Variants in PPM1H observed in about 807,000 individuals in gnomAD.
PPM1H encodes the protein protein phosphatase, Mg2+/Mn2+ dependent 1H.
A neutral mutation model predicts 54.9 loss-of-function variants in PPM1H; 27 were observed. The ratio of observed to expected loss-of-function variants is 0.49; its 90% confidence interval spans 0.36 to 0.68. The LOEUF (loss-of-function observed/expected upper bound fraction) is 0.68. Ranked by LOEUF, PPM1H falls within the 30% of genes least tolerant of loss-of-function variation. PPM1H has a pLI of 0.00. For missense variants in PPM1H, 596 were observed against 667.8 expected, an observed-to-expected ratio of 0.89 and a Z score of 1.19; for synonymous variants, 305 against 270.8, an observed-to-expected ratio of 1.13 and a Z score of -1.24.
At chr12:62,756,114 G>C in intron 4 of PPM1H, 1 of 890,130 alleles carries the variant, frequency 1.1e-6, no homozygotes, top group Non-Finnish European at 1.9e-6. Flanking sequence ...AACCTTTGAT[G>C]CTGGGGATGG....
At chr12:62,722,060 T>A (rs2120468953) in intron 5 of PPM1H, among the ~76,000 whole-genome samples, 1 of 152,184 alleles carries the variant, frequency 6.6e-6, no homozygotes, top group African/African-American at 2.4e-5. Flanking sequence ...AGCAGAGCAC[T>A]AAACTAAGCA....
At chr12:62,770,011 C>A (rs181558683) in intron 4 of PPM1H, among the ~76,000 whole-genome samples, 31 of 151,480 alleles carry the variant, frequency 2.0e-4, no homozygotes, top group Non-Finnish European at 4.1e-4. Flanking sequence ...GATATTTAAC[C>A]TTTTATCTGC....
intron 1 of PPM1H, among the ~76,000 whole-genome samples, chr12:62,894,819 C>T (rs1182549395): frequency 6.6e-6 from 1 of 152,124 alleles, no homozygotes. Context: ...CTCAATTGAG[C>T]CCAGGAGTTC....
At chr12:62,739,340 T>C (rs901677363) in intron 4 of PPM1H, among the ~76,000 whole-genome samples, 2 of 151,994 alleles carry the variant, frequency 1.3e-5, no homozygotes, top group Admixed American at 1.3e-4. Flanking sequence ...CAGGTGAGTA[T>C]GACTATAACA....
chr12:62,755,584 A>G, intron 4 of PPM1H: 2 of 658,126 alleles, frequency 3.0e-6, no homozygotes, highest in Non-Finnish European at 5.5e-6. Context: ...AAGGGTCATC[A>G]TCTCTGCCCC....
At position 62,767,341 on chromosome 12, in the gene PPM1H, G is replaced by A. The variant is rs1398098296; in HGVS notation, c.869+20885C>T. ...GGTTCCACCAGTGAAGGGGAGGGAG[G>A]GGGAAGGGAAATCCTAGAGGCCGAG... On this transcript the variant is annotated intron_variant, in intron 4 of 9. Coordinates refer to ENST00000228705, the MANE Select transcript of PPM1H (RefSeq NM_020700.2). Among the ~76,000 whole-genome samples, 3 of 152,150 alleles carry A rather than the reference G, an allele frequency of 2.0e-5. No homozygotes were observed. In the East Asian group the frequency reaches 5.8e-4, roughly 29 times the overall value.
intron 2 of PPM1H, among the ~76,000 whole-genome samples, chr12:62,804,116 A>C (rs1425265397): frequency 2.0e-5 from 3 of 152,236 alleles, no homozygotes; most frequent in Non-Finnish European, 4.4e-5. Context: ...AAACAAAAAA[A>C]GTATGCTCTC....
intron 3 of PPM1H, among the ~76,000 whole-genome samples, chr12:62,788,672 A>G (rs1302920602): frequency 3.3e-5 from 5 of 152,242 alleles, no homozygotes; most frequent in Non-Finnish European, 5.9e-5. Flanking sequence ...ATGAGCTACC[A>G]TGTGAAACAT....
chr12:62,694,739 G>C lies in PPM1H; in HGVS notation c.1074-740C>G, dbSNP rs2076104320. Among the ~76,000 whole-genome samples, 3 of 152,286 alleles carry C rather than the reference G, an allele frequency of 2.0e-5. No individual in the cohort carries two copies. In the South Asian group the frequency reaches 6.2e-4, roughly 32 times the overall value. ...CCCAGTTACAGCTGTTTATCACCTT[G>C]AGCATGTAGCTTCACCTTTTTCAGT... On this transcript the variant is annotated intron_variant, in intron 6 of 9. Coordinates refer to ENST00000228705, the MANE Select transcript of PPM1H (RefSeq NM_020700.2).
At chr12:62,802,598 CTG>C (rs1018222288) in intron 2 of PPM1H, among the ~76,000 whole-genome samples, 9 of 149,714 alleles carry the variant, frequency 6.0e-5, no homozygotes, top group African/African-American at 2.2e-4. Context: ...GAGTCTCACT[CTG>C]TGGCCCAGGC....
intron 1 of PPM1H, among the ~76,000 whole-genome samples, chr12:62,899,354 T>C (rs1871089699): frequency 6.6e-6 from 1 of 152,094 alleles, no homozygotes; most frequent in African/African-American, 2.4e-5. Context: ...GAGGACCACT[T>C]GAGGCCAGGA....
chr12:62,844,281 T>C lies in PPM1H; in HGVS notation c.246-12002A>G, dbSNP rs1480188798. 1.3e-5 allele frequency among the ~76,000 whole-genome samples: 2 copies of C among 152,202 alleles called. No homozygotes were observed. The highest frequency in any genetic ancestry group is 2.9e-5 in the Non-Finnish European group (2 of 68,038). ...GCACTTTCTGTACAAAGCCAGTATG[T>C]AACATTACAGTGATTTGCTTAGTAT... On this transcript the variant is annotated intron_variant, in intron 1 of 9. Transcript: ENST00000228705. This position sits in a 1 kb window ranked among gnomAD's most constrained non-coding sequence, Gnocchi z 5.2.
At chr12:62,814,460 C>T (rs2076853965) in intron 2 of PPM1H, among the ~76,000 whole-genome samples, 1 of 151,986 alleles carries the variant, frequency 6.6e-6, no homozygotes, top group South Asian at 2.1e-4. Flanking sequence ...TCAAGTGACC[C>T]TCCTGCCTTG....
At chr12:62,928,394 G>A (rs902100907) in intron 1 of PPM1H, among the ~76,000 whole-genome samples, 2 of 152,184 alleles carry the variant, frequency 1.3e-5, no homozygotes, top group East Asian at 3.8e-4. Context: ...GTTCAATCCT[G>A]CATCTTTTGC....
chr12:62,717,961 G>GT (rs907126291), intron 6 of PPM1H, among the ~76,000 whole-genome samples: 1 of 152,190 alleles, frequency 6.6e-6, no homozygotes, highest in Non-Finnish European at 1.5e-5. Context: ...TTTATCATTT[G>GT]TTTTGACTAC....
chr12:62,679,350 G>A (rs889544640), intron 8 of PPM1H, among the ~76,000 whole-genome samples: 2 of 152,140 alleles, frequency 1.3e-5, no homozygotes, highest in Non-Finnish European at 2.9e-5. Flanking sequence ...GGTTGGGGGA[G>A]GCAAATCGCC....
intron 4 of PPM1H, among the ~76,000 whole-genome samples, chr12:62,781,313 C>A (rs2076640640): frequency 6.6e-6 from 1 of 152,172 alleles, no homozygotes; most frequent in South Asian, 2.1e-4. Context: ...GTCAGCCGGC[C>A]CAGGTACAGG....
At chr12:62,722,578 T>A (rs1198011410) in intron 5 of PPM1H, among the ~76,000 whole-genome samples, 1 of 152,192 alleles carries the variant, frequency 6.6e-6, no homozygotes, top group Non-Finnish European at 1.5e-5. Context: ...AGGCCTGTGA[T>A]CCTTTGCACT....
chr12:62,877,944 C>G (rs1024188535), intron 1 of PPM1H, among the ~76,000 whole-genome samples: 2 of 152,180 alleles, frequency 1.3e-5, no homozygotes, highest in Non-Finnish European at 2.9e-5. Flanking sequence ...ATCGTCCAGG[C>G]TGGAGTGCAG....
Sources: allele counts gnomAD v4.1 joint callset (sites outside exome capture counted in the v4.1 genomes callset), GRCh38; gene constraint gnomAD v4.1.1; non-coding constraint Gnocchi (gnomAD v3.1); transcripts MANE v1.5; gene names NCBI Gene and HGNC (gene_info 2026-07-23, HGNC 2026-07-21).